The following SCYL3 variants were observed in gnomAD, a reference collection of about 807,000 sequenced individuals.
The protein encoded by SCYL3 is protein-associating with the carboxyl-terminal domain of ezrin.
In SCYL3, 35 loss-of-function variants were observed where a neutral mutation model predicts 73.8. The ratio of observed to expected loss-of-function variants is 0.47; its 90% CI spans 0.36 to 0.63. The LOEUF is 0.63. SCYL3 is among the 20% of genes least tolerant of loss of function. The pLI, the probability that SCYL3 is intolerant of heterozygous loss-of-function variation, is 0.00. For missense variants in SCYL3, 712 were observed against 798.9 expected (o/e 0.89, Z 1.31); for synonymous variants, 277 against 295.2 (o/e 0.94, Z 0.63).
upstream of SCYL3, chr1:169,894,257 A>G (rs1363562476): frequency 6.6e-6 from 1 of 152,298 alleles, no homozygotes; most frequent in Non-Finnish European, 1.5e-5. Context: ...TGTAGCAAAC[A>G]GTAGAGGTGC....
intron 2 of SCYL3, among the ~76,000 whole-genome samples, chr1:169,886,443 A>T (rs888406199): frequency 6.6e-6 from 1 of 152,206 alleles, no homozygotes; most frequent in Admixed American, 6.5e-5. Context: ...ACATTGACTA[A>T]CCCTTCCACA....
At position 169,859,486 on chromosome 1, in the gene SCYL3, G is replaced by A. The variant is rs77485683; in HGVS notation, c.1141-274C>T. ...ACATAAAATTACTCTGTCAAATTGC[G>A]ACAAAAGGTTTTAAATGTTAAGTCT... On this transcript the variant is annotated intron_variant, in intron 10 of 12. Transcript: ENST00000367771. Among the ~76,000 whole-genome samples the A allele has an allele frequency of 6.5e-3, 991 of 152,206 alleles. 12 individuals are homozygous for A. The highest frequency in any genetic ancestry group is 0.022 in the African/African-American group (922 of 41,526).
Position 169,850,448 on chromosome 1 carries a change from TCA to T in SCYL3, c.*3263_*3264del, listed in dbSNP as rs1168772693. ...TGAGTGTCTTCTTAGCTTAAACTTTTCACAGTGCTGAGCACAGTGCTGACGAC... is the reference window on the plus strand; with the variant it reads ...TGAGTGTCTTCTTAGCTTAAACTTTTCAGTGCTGAGCACAGTGCTGACGAC... On this transcript the variant is annotated 3_prime_UTR_variant, in exon 13 of 13. Coordinates refer to ENST00000367771, the MANE Select transcript of SCYL3 (RefSeq NM_020423.7). The T allele has an allele frequency of 6.4e-6, 5 of 775,882 alleles. No individual in the cohort carries two copies. The highest frequency in any genetic ancestry group is 2.7e-5 in the East Asian group (1 of 37,694). The allele number at this position is 775,882 out of a possible 1,614,324, so 48.1% of individuals were successfully genotyped here. A position where few individuals can be genotyped will look rare whatever the true frequency, so the allele number is the denominator to read the frequency against.
At chr1:169,872,505 G>C (rs950901733) in intron 5 of SCYL3, among the ~76,000 whole-genome samples, 2 of 152,232 alleles carry the variant, frequency 1.3e-5, no homozygotes, top group Non-Finnish European at 2.9e-5. Context: ...CCCCCACACA[G>C]AGTTCCTACT....
chr1:169,850,092 T>G lies in SCYL3; in HGVS notation c.*3621A>C. 1.7e-6 allele frequency: 1 copy of G among 584,082 alleles called. No individual in the cohort carries two copies. The highest frequency in any genetic ancestry group is 3.0e-6 in the Non-Finnish European group (1 of 328,900). The allele number at this position is 584,082 out of a possible 1,614,324, so 36.2% of individuals were successfully genotyped here. A position where few individuals can be genotyped will look rare whatever the true frequency, so the allele number is the denominator to read the frequency against. The stretch of plus-strand genomic sequence containing the variant: ...TTACAACACTTGTACAGAAGTTAAT[T>G]TTGTATTATCCTTAGGGACCCTGAA... On this transcript the variant is annotated 3_prime_UTR_variant, in exon 13 of 13. Transcript: ENST00000367771.
chr1:169,868,224 T>A (rs1660169999), intron 7 of SCYL3, among the ~76,000 whole-genome samples: 1 of 152,198 alleles, frequency 6.6e-6, no homozygotes, highest in Admixed American at 6.5e-5. Flanking sequence ...TAGCCTTCCC[T>A]TTGCTCTGGT....
At position 169,859,067 on chromosome 1, in the gene SCYL3, G is replaced by C. The variant is rs1486570329; in HGVS notation, c.1286C>G (p.Thr429Ser). Residue 429 changes from threonine (T) to serine (S), a missense_variant, in exon 11 of 13, where the codon ACT (threonine) becomes AGT (serine). Physicochemically the swap from Thr to Ser is moderately conservative, Grantham distance 58 (BLOSUM62 1). Coordinates refer to ENST00000367771, the MANE Select transcript of SCYL3 (RefSeq NM_020423.7). ...KIFKRTAPSFTKNTDLSLEGD... is the reference protein window; with the variant it reads ...KIFKRTAPSFSKNTDLSLEGD... ...TTCTAGAGAAAGGTCAGTATTTTTA[G>C]TAAAACTTGGGGCAGTGCGTTTGAA... The C allele has an allele frequency of 1.9e-6, 3 of 1,613,348 alleles. 1 individual carries two copies. The South Asian group carries it at 3.3e-5, about 18-fold the overall frequency.
intron 1 of SCYL3, among the ~76,000 whole-genome samples, chr1:169,889,714 T>G (rs1408851161): frequency 6.6e-6 from 1 of 152,210 alleles, no homozygotes; most frequent in East Asian, 1.9e-4. Context: ...ATTATCATGA[T>G]GTATGAGGAA....
chr1:169,876,477 A>G (rs770792205), intron 3 of SCYL3, among the ~76,000 whole-genome samples: 2 of 152,212 alleles, frequency 1.3e-5, no homozygotes, highest in Non-Finnish European at 2.9e-5. Flanking sequence ...TTTGCTTCCA[A>G]TGCCTTTAAA....
In SCYL3 at chr1:169,853,307, T is replaced by C. The variant is rs894159667; in HGVS notation, c.*406A>G. On this transcript the variant is annotated 3_prime_UTR_variant, in exon 13 of 13. Coordinates refer to ENST00000367771, the MANE Select transcript of SCYL3 (RefSeq NM_020423.7). ...CATTTATATAATTTATAGCTAAAAT[T>C]TTTTAAAGTTGTATTTCATAATAGA... 2.9e-6 allele frequency: 1 copy of C among 339,680 alleles called. No homozygotes were observed. The highest frequency in any genetic ancestry group is 2.1e-5 in the African/African-American group (1 of 47,064). 21.0% of individuals were successfully genotyped at this position (339,680 alleles called of 1,614,324 possible).
chr1:169,882,772 C>T (rs1170964486), intron 2 of SCYL3, among the ~76,000 whole-genome samples: 2 of 152,150 alleles, frequency 1.3e-5, no homozygotes, highest in Admixed American at 1.3e-4. Context: ...TGTGTCCACA[C>T]TCTGTATCTA....
In SCYL3 at chr1:169,863,199, C is replaced by T. The variant is rs143701294; in HGVS notation, c.956-402G>A. The stretch of plus-strand genomic sequence containing the variant: ...GTGCTGGGATTACAGGCGTGAGCCA[C>T]CGCGCCCGGCCAGTATTCTTCTAAA... On this transcript the variant is annotated intron_variant, in intron 9 of 12. Coordinates refer to ENST00000367771, the MANE Select transcript of SCYL3 (RefSeq NM_020423.7). 9.0e-3 allele frequency among the ~76,000 whole-genome samples: 1,378 copies of T among 152,322 alleles called. 55 individuals carry two copies. The East Asian group carries it at 0.1, about 11-fold the overall frequency.
chr1:169,875,909 T>C (rs1571429206), intron 4 of SCYL3, 69 bp downstream of exon 4: 1 of 933,680 alleles, frequency 1.1e-6, no homozygotes, highest in Non-Finnish European at 1.6e-6. Context: ...GGAAAGTGCC[T>C]AGGCAAGAAC....
At chr1:169,867,674 T>A (rs1200830824) in intron 7 of SCYL3, among the ~76,000 whole-genome samples, 1 of 152,232 alleles carries the variant, frequency 6.6e-6, no homozygotes, top group Admixed American at 6.5e-5. Flanking sequence ...GCAGCAAAGA[T>A]GTCTAAACTT....
intron 1 of SCYL3, 60 bp from the exon 2 acceptor site, chr1:169,888,950 G>A: frequency 1.0e-6 from 1 of 985,930 alleles, no homozygotes; most frequent in Non-Finnish European, 1.4e-6. Context: ...ATCAACAAGA[G>A]ATATCCAGAC....
At chr1:169,857,268 G>A (rs188607092) in intron 11 of SCYL3, among the ~76,000 whole-genome samples, 71 of 152,236 alleles carry the variant, frequency 4.7e-4, no homozygotes, top group African/African-American at 3.9e-4. Flanking sequence ...TATATCCTTT[G>A]GCCCAGCAAG....
intron 2 of SCYL3, among the ~76,000 whole-genome samples, chr1:169,886,201 C>T (rs1412605531): frequency 2.0e-5 from 3 of 151,994 alleles, no homozygotes; most frequent in Admixed American, 6.6e-5. Context: ...ATCCCAGCTA[C>T]GTGGGATGCT....
At chr1:169,861,474 T>C (rs900131197) in intron 10 of SCYL3, among the ~76,000 whole-genome samples, 7 of 152,272 alleles carry the variant, frequency 4.6e-5, no homozygotes, top group African/African-American at 1.7e-4. Context: ...CCTTCCAAGA[T>C]ACCAAGGAGC....
chr1:169,870,492 A>G (rs1412715678), intron 5 of SCYL3, 135 bp from the exon 6 acceptor site: 1 of 638,024 alleles, frequency 1.6e-6, no homozygotes, highest in Non-Finnish European at 2.7e-6. Context: ...ATGAATGTAT[A>G]GATTCTTAAC....
Sources: gnomAD v4.1 joint callset for allele counts (sites outside exome capture counted in the v4.1 genomes callset) on GRCh38, gnomAD v4.1.1 for gene constraint, MANE v1.5 for transcripts, NCBI Gene and HGNC (gene_info 2026-07-23, HGNC 2026-07-21) for gene names.